PACSIN1: variants seen among roughly 807,000 people sequenced by gnomAD.
PACSIN1 encodes the protein protein kinase C and casein kinase substrate in neurons protein 1.
PACSIN1 carries 15 observed loss-of-function variants against 59.5 expected under a neutral mutation model. The ratio of observed to expected loss-of-function variants is 0.25; its 90% CI spans 0.17 to 0.39. The LOEUF is 0.39. Among genes scored for constraint, PACSIN1 ranks in the 10% least tolerant of loss-of-function variants. The pLI is 1.00. For synonymous variants in PACSIN1, 210 were observed against 220.6 expected (o/e 0.95, Z 0.42); for missense variants, 420 against 580.2 (o/e 0.72, Z 2.84).
At chr6:34,527,212 G>C in intron 2 of PACSIN1, 120 bp from the exon 3 acceptor site, 1 of 1,060,272 alleles carries the variant, frequency 9.4e-7, no homozygotes, top group Non-Finnish European at 1.2e-6. Flanking sequence ...GGGCGGGGAC[G>C]GCGAGGCCGT....
intron 1 of PACSIN1, among the ~76,000 whole-genome samples, chr6:34,495,824 A>C (rs533753178): frequency 6.6e-6 from 1 of 152,226 alleles, no homozygotes; most frequent in African/African-American, 2.4e-5. Flanking sequence ...AAATCATACC[A>C]GTTGTGTTTC....
chr6:34,501,294 C>A (rs1317243061), intron 1 of PACSIN1, among the ~76,000 whole-genome samples: 2 of 152,150 alleles, frequency 1.3e-5, no homozygotes, highest in South Asian at 2.1e-4. Context: ...AGACAAAAAT[C>A]TTTTTTCAAG....
At chr6:34,509,414 C>A (rs1767165517) in intron 1 of PACSIN1, among the ~76,000 whole-genome samples, 1 of 152,028 alleles carries the variant, frequency 6.6e-6, no homozygotes, top group Non-Finnish European at 1.5e-5. Flanking sequence ...TGCTGGTGAC[C>A]ATAATATGCA....
rs1408454545 is a variant in PACSIN1 at position 34,532,085 on chromosome 6, G to T, written c.1225+298G>T. Among the ~76,000 whole-genome samples the T allele has an allele frequency of 6.6e-6, 1 of 152,122 alleles. No homozygotes were observed. The highest frequency in any genetic ancestry group is 1.5e-5 in the Non-Finnish European group (1 of 68,020). ...GGGGCGTGGCCTGGGTTGTGGGCGTGACCTGGGCCCAGGATGGGAGTGGGG... is the reference window on the plus strand; with the variant it reads ...GGGGCGTGGCCTGGGTTGTGGGCGTTACCTGGGCCCAGGATGGGAGTGGGG... On this transcript the variant is annotated intron_variant, in intron 9 of 9. Coordinates refer to ENST00000244458, the MANE Select transcript of PACSIN1 (RefSeq NM_020804.5). This position sits in a 1 kb window ranked among gnomAD's most constrained non-coding sequence, Gnocchi z 5.2.
In PACSIN1 at chr6:34,515,273, G is replaced by C. The variant is rs1767271891; in HGVS notation, c.-63-10970G>C. On this transcript the variant is annotated intron_variant, in intron 1 of 9. Transcript: ENST00000244458. This position sits in a 1 kb window ranked among gnomAD's most constrained non-coding sequence, Gnocchi z 4.4. ...GTCAGAACCTTGATCCTCCTCATCA[G>C]GGGGACTGTCCCTGTTGCCTTTCCT... is the stretch of plus-strand genomic sequence containing the variant. 6.6e-6 allele frequency among the ~76,000 whole-genome samples: 1 copy of C among 152,204 alleles called. No homozygotes were observed. Among genetic ancestry groups the C allele is most frequent in the Non-Finnish European group, 1.5e-5 (1 of 68,028 alleles).
At position 34,529,250 on chromosome 6, in the gene PACSIN1, C is replaced by T; in HGVS notation, c.457-147C>T. 3 of 824,402 alleles carry T rather than the reference C, an allele frequency of 3.6e-6. No homozygotes were observed. The highest frequency in any genetic ancestry group is 5.5e-5 in the Admixed American group (2 of 36,470). The allele number at this position is 824,402 out of a possible 1,614,324, so 51.1% of individuals were successfully genotyped here. A position where few individuals can be genotyped will look rare whatever the true frequency, so the allele number is the denominator to read the frequency against. ...AATGGAGGAGCGCTGCTCCCGAACACCTGGAGCCAGGGCCTGCATCCCTTC... is the reference window on the plus strand; with the variant it reads ...AATGGAGGAGCGCTGCTCCCGAACATCTGGAGCCAGGGCCTGCATCCCTTC... On this transcript the variant is annotated intron_variant, in intron 4 of 9. Transcript: ENST00000244458. This position sits in a 1 kb window ranked among gnomAD's most constrained non-coding sequence, Gnocchi z 6.3.
intron 1 of PACSIN1, among the ~76,000 whole-genome samples, chr6:34,471,361 T>C (rs1056578830): frequency 4.6e-5 from 7 of 152,228 alleles, no homozygotes; most frequent in African/African-American, 1.7e-4. Flanking sequence ...AGATACTTGT[T>C]TGAAGTTGAC....
chr6:34,472,937 C>T (rs1342359348), intron 1 of PACSIN1, among the ~76,000 whole-genome samples: 2 of 152,132 alleles, frequency 1.3e-5, no homozygotes, highest in Non-Finnish European at 2.9e-5. Flanking sequence ...TCATTTAGTC[C>T]TCTTAGTAAG....
intron 1 of PACSIN1, among the ~76,000 whole-genome samples, chr6:34,493,645 G>A (rs1008223807): frequency 6.6e-6 from 1 of 152,198 alleles, no homozygotes; most frequent in African/African-American, 2.4e-5. Context: ...ACCCTGGTGG[G>A]GAACCAGTGC....
chr6:34,528,915 G>GCCCTGGGGGGGGGGGGGGGGGC, intron 4 of PACSIN1, 38 bp downstream of exon 4: 3 of 653,172 alleles, frequency 4.6e-6, no homozygotes, highest in East Asian at 4.3e-5. Flanking sequence ...GGTGGGGTGG[G>GCCCTGGGGGGGGGGGGGGGGGC]CCCGTCTGAT....
At chr6:34,477,997 C>T (rs1766661840) in intron 1 of PACSIN1, among the ~76,000 whole-genome samples, 1 of 151,794 alleles carries the variant, frequency 6.6e-6, no homozygotes, top group Admixed American at 6.6e-5. Context: ...AAGCAATCCT[C>T]CCGCCTCAGC....
Position 34,530,273 on chromosome 6 carries a change from G to T in PACSIN1, c.819G>T (p.Gln273His). ...SYIHVYRELE[Q>H]AIRGADAQED... ...TCCATGTGTACCGTGAGCTGGAGCA[G>T]GCCATCCGGGGGGCTGATGCCCAGG... The change falls in exon 7 of 10, where the codon CAG becomes CAT. Residue 273 changes from glutamine to histidine, a missense_variant. Transcript: ENST00000244458. This position sits in a 1 kb window ranked among gnomAD's most constrained non-coding sequence, Gnocchi z 4.4. 6.2e-7 allele frequency: 1 copy of T among 1,614,070 alleles called. No individual in the cohort carries two copies. The highest frequency in any genetic ancestry group is 8.5e-7 in the Non-Finnish European group (1 of 1,179,980).
chr6:34,467,575 T>A (rs1766514399), intron 1 of PACSIN1, among the ~76,000 whole-genome samples: 1 of 148,794 alleles, frequency 6.7e-6, no homozygotes, highest in African/African-American at 2.5e-5. Context: ...TTTTTTTTTT[T>A]GAGAGAGAGT....
intron 1 of PACSIN1, among the ~76,000 whole-genome samples, chr6:34,466,580 G>T (rs577572578): frequency 2.0e-5 from 3 of 152,324 alleles, no homozygotes; most frequent in African/African-American, 7.2e-5. Context: ...CTGGGGCCTG[G>T]GCCCGGGCGG....
At chr6:34,495,497 G>C (rs1766934928) in intron 1 of PACSIN1, among the ~76,000 whole-genome samples, 2 of 151,148 alleles carry the variant, frequency 1.3e-5, no homozygotes, top group Non-Finnish European at 2.9e-5. Flanking sequence ...CTGTCACCCA[G>C]GCTAAAGTGC....
chr6:34,504,415 C>T (rs1162705179), intron 1 of PACSIN1, among the ~76,000 whole-genome samples: 2 of 151,828 alleles, frequency 1.3e-5, no homozygotes, highest in East Asian at 1.9e-4. Flanking sequence ...CTCAGACTCC[C>T]GAGTAGCTAG....
At chr6:34,500,438 G>C (rs1767006825) in intron 1 of PACSIN1, among the ~76,000 whole-genome samples, 1 of 152,214 alleles carries the variant, frequency 6.6e-6, no homozygotes, top group Admixed American at 6.5e-5. Flanking sequence ...ATTTTGAAAG[G>C]AATCTTTTTT....
At chr6:34,469,005 G>A (rs138885157) in intron 1 of PACSIN1, among the ~76,000 whole-genome samples, 375 of 152,218 alleles carry the variant, frequency 2.5e-3, no homozygotes, top group Middle Eastern at 0.014. Flanking sequence ...AAGTTTGCAC[G>A]TATCCCCACA....
In PACSIN1 at chr6:34,531,245, C is replaced by T. The variant is rs1172743735; in HGVS notation, c.1038-355C>T. ...AAACCCAGACAGGTTAAGTGACTTG[C>T]CCAAGATCACATTGCTAGTTAGTAA... On this transcript the variant is annotated intron_variant, in intron 8 of 9. Transcript: ENST00000244458. The surrounding 1 kb of genome is among the most constrained non-coding windows in gnomAD (Gnocchi z 4.4). Among the ~76,000 whole-genome samples the T allele has an allele frequency of 6.6e-6, 1 of 152,160 alleles. No individual in the cohort carries two copies. The highest frequency in any genetic ancestry group is 6.5e-5 in the Admixed American group (1 of 15,278).
Sources: gnomAD v4.1 joint callset for allele counts (sites outside exome capture counted in the v4.1 genomes callset) on GRCh38, gnomAD v4.1.1 for gene constraint, Gnocchi (gnomAD v3.1) non-coding constraint, MANE v1.5 for transcripts, NCBI Gene and HGNC (gene_info 2026-07-23, HGNC 2026-07-21) for gene names.